The following ADGRL2 variants were observed in gnomAD, a reference collection of about 807,000 sequenced individuals.
ADGRL2 encodes the protein calcium-independent alpha-latrotoxin receptor 2.
In ADGRL2, 44 loss-of-function variants were observed where a neutral mutation model predicts 157.4. The ratio of observed to expected loss-of-function variants is 0.28; its 90% CI spans 0.22 to 0.36. The LOEUF is 0.36. Ranked by LOEUF, ADGRL2 falls within the 10% of genes least tolerant of loss-of-function variation. ADGRL2 has a pLI of 1.00. For missense variants in ADGRL2, 1,510 were observed against 1,768.9 expected, an observed-to-expected ratio of 0.85 and a Z score of 2.63; for synonymous variants, 585 against 624.7, an observed-to-expected ratio of 0.94 and a Z score of 0.95.
At chr1:81,444,517 G>A (rs4131237) in intron 1 of ADGRL2, among the ~76,000 whole-genome samples, 3,594 of 152,288 alleles carry the variant, frequency 0.024, 70 homozygotes, top group African/African-American at 0.042. Context: ...ATCTGTGCTT[G>A]CTGGAGGAAC....
chr1:81,535,197 G>A (rs1388135002), intron 2 of ADGRL2, among the ~76,000 whole-genome samples: 9 of 152,312 alleles, frequency 5.9e-5, no homozygotes, highest in Admixed American at 2.0e-4. Flanking sequence ...GAAGGGTTTT[G>A]TTTTCCCAGA....
At chr1:81,935,859 A>G (rs1030042755) in intron 3 of ADGRL2, among the ~76,000 whole-genome samples, 1 of 151,924 alleles carries the variant, frequency 6.6e-6, no homozygotes, top group African/African-American at 2.4e-5. Context: ...TGGAATTCTA[A>G]CCTATTTCTA....
chr1:81,531,512 A>C (rs1242180099), intron 2 of ADGRL2, among the ~76,000 whole-genome samples: 1 of 152,220 alleles, frequency 6.6e-6, no homozygotes. Context: ...TGAATAAATA[A>C]TGTATTCATC....
intron 2 of ADGRL2, among the ~76,000 whole-genome samples, chr1:81,552,994 T>C (rs1388697756): frequency 2.0e-5 from 3 of 152,164 alleles, no homozygotes; most frequent in Non-Finnish European, 4.4e-5. Context: ...TGATAATAGG[T>C]ATTAAGATGA....
At chr1:81,750,681 C>T (rs1404918988) in intron 1 of ADGRL2, among the ~76,000 whole-genome samples, 1 of 152,062 alleles carries the variant, frequency 6.6e-6, no homozygotes, top group African/African-American at 2.4e-5. Context: ...GGTGCCACTG[C>T]ACTCTAGCCT....
chr1:81,895,227 C>T (rs1349133317), intron 2 of ADGRL2, among the ~76,000 whole-genome samples: 2 of 151,948 alleles, frequency 1.3e-5, no homozygotes, highest in Non-Finnish European at 2.9e-5. Context: ...AATTGGCCCC[C>T]TTATAGAAAC....
chr1:81,311,818 G>A (rs1050677870), intron 1 of ADGRL2, among the ~76,000 whole-genome samples: 11 of 152,130 alleles, frequency 7.2e-5, no homozygotes, highest in African/African-American at 1.7e-4. Context: ...GAAGTTAAAA[G>A]GAGAGGCAAC....
chr1:81,342,112 G>A (rs1023349712), intron 1 of ADGRL2, among the ~76,000 whole-genome samples: 4 of 152,016 alleles, frequency 2.6e-5, no homozygotes, highest in African/African-American at 9.7e-5. Flanking sequence ...TCCTGCTATA[G>A]GGCTAGAATT....
At chr1:81,315,083 T>C (rs1660012919) in intron 1 of ADGRL2, among the ~76,000 whole-genome samples, 1 of 152,198 alleles carries the variant, frequency 6.6e-6, no homozygotes, top group Non-Finnish European at 1.5e-5. Flanking sequence ...CAGTAGATTA[T>C]GCACATCTTT....
intron 1 of ADGRL2, among the ~76,000 whole-genome samples, chr1:81,727,874 T>C (rs888124234): frequency 5.3e-5 from 8 of 152,112 alleles, no homozygotes; most frequent in African/African-American, 1.9e-4. Flanking sequence ...ATGGACTTTT[T>C]TTAACATTTT....
At chr1:81,788,907 G>A (rs976420688) in intron 2 of ADGRL2, among the ~76,000 whole-genome samples, 1 of 152,088 alleles carries the variant, frequency 6.6e-6, no homozygotes, top group Non-Finnish European at 1.5e-5. Flanking sequence ...TAGTAGAGAC[G>A]AGGTTTCACT....
Position 81,966,065 on chromosome 1 carries a change from A to T in ADGRL2, c.2025A>T (p.Glu675Asp). Residue 675 changes from glutamate (E) to aspartate (D), a missense_variant, in exon 12 of 24, where the codon GAA becomes GAT. Physicochemically the swap from Glu to Asp is conservative, Grantham distance 45 (BLOSUM62 2). Transcript: ENST00000686636. The stretch of plus-strand genomic sequence containing the variant: ...ATCTTTTCCCTCATCCAGTCCTGGA[A>T]GTTGCCGTACTCAGTACAGAAGGAC... ...VSMPTENIVL[E>D]VAVLSTEGQI... 6.2e-7 allele frequency: 1 copy of T among 1,613,948 alleles called. No homozygotes were observed. Among genetic ancestry groups the T allele is most frequent in the East Asian group, 2.2e-5 (1 of 44,858 alleles).
chr1:81,399,159 A>G (rs1044902489), intron 1 of ADGRL2, among the ~76,000 whole-genome samples: 3 of 152,190 alleles, frequency 2.0e-5, no homozygotes, highest in African/African-American at 2.4e-5. Context: ...AGGAAGTGAC[A>G]CACACTTTTA....
intron 1 of ADGRL2, among the ~76,000 whole-genome samples, chr1:81,753,480 C>T (rs78659999): frequency 0.042 from 6,330 of 152,134 alleles, 170 homozygotes; most frequent in African/African-American, 0.075. Flanking sequence ...AGAGCCAAAC[C>T]ATATCAGTAT....
rs551732933 is a variant in ADGRL2, at chr1:81,992,547, C to T, written c.*1402C>T. 2 of 152,172 alleles carry T rather than the reference C, an allele frequency of 1.3e-5. No individual in the cohort carries two copies. The highest frequency in any genetic ancestry group is 1.9e-4 in the East Asian group (1 of 5,194). 9.4% of individuals were successfully genotyped at this position (152,172 alleles called of 1,614,324 possible). On this transcript the variant is annotated 3_prime_UTR_variant, in exon 24 of 24. Coordinates refer to ENST00000686636, the MANE Select transcript of ADGRL2 (RefSeq NM_001366006.2). ...ATATGAAAGGATACAATTAAGTTGC[C>T]TGTTTGTTCTTTATGCTGAAAGGAA... is the stretch of plus-strand genomic sequence containing the variant.
intron 3 of ADGRL2, among the ~76,000 whole-genome samples, chr1:81,656,513 CA>C: frequency 6.6e-6 from 1 of 152,274 alleles, no homozygotes; most frequent in African/African-American, 2.4e-5. Flanking sequence ...ATAAGGATCA[CA>C]GTCGCACTTC....
chr1:81,485,398 CAT>C (rs1049505771), intron 2 of ADGRL2, among the ~76,000 whole-genome samples: 1 of 151,944 alleles, frequency 6.6e-6, no homozygotes, highest in African/African-American at 2.4e-5. Context: ...ATTTTTTGAA[CAT>C]GTTTATGATA....
At chr1:81,568,911 A>G (rs191273129) in intron 2 of ADGRL2, among the ~76,000 whole-genome samples, 3 of 152,258 alleles carry the variant, frequency 2.0e-5, no homozygotes, top group Non-Finnish European at 4.4e-5. Context: ...ATGTAGCAAT[A>G]ATACAGATCT....
intron 2 of ADGRL2, among the ~76,000 whole-genome samples, chr1:81,448,370 T>C (rs2077640955): frequency 6.6e-6 from 1 of 152,014 alleles, no homozygotes; most frequent in African/African-American, 2.4e-5. Flanking sequence ...GATCTTGAAC[T>C]CCTGACCTCA....
Sources: allele counts gnomAD v4.1 joint callset (sites outside exome capture counted in the v4.1 genomes callset), GRCh38; gene constraint gnomAD v4.1.1; transcripts MANE v1.5; gene names NCBI Gene and HGNC (gene_info 2026-07-23, HGNC 2026-07-21).